Variants in RAP1GAP2 observed in about 807,000 individuals in gnomAD.
The protein encoded by RAP1GAP2 is RAP1 GTPase activating protein 2.
In RAP1GAP2, 27 loss-of-function variants were observed where a neutral mutation model predicts 95.0. That is an observed-to-expected ratio of 0.28 (90% CI 0.21 to 0.39). The LOEUF is 0.39. Among genes scored for constraint, RAP1GAP2 ranks in the 10% least tolerant of loss-of-function variants. The pLI, the probability that RAP1GAP2 is intolerant of heterozygous loss-of-function variation, is 1.00. For synonymous variants in RAP1GAP2, 373 were observed against 380.9 expected (o/e 0.98, Z 0.24); for missense variants, 771 against 970.0 (o/e 0.79, Z 2.72).
At chr17:2,756,845 G>A (rs57375728) in intron 1 of RAP1GAP2, among the ~76,000 whole-genome samples, 14,061 of 152,156 alleles carry the variant, frequency 0.092, 2,155 homozygotes, top group African/African-American at 0.32. Context: ...GAGGGTCAGA[G>A]AGGGAAAAGG....
intron 2 of RAP1GAP2, among the ~76,000 whole-genome samples, chr17:2,853,649 G>A (rs954072326): frequency 6.7e-6 from 1 of 148,906 alleles, no homozygotes; most frequent in Admixed American, 6.7e-5. Context: ...GGCCGAGGCC[G>A]GGGCGCGGGA....
chr17:2,989,006 CCG>C (rs1178852929), intron 11 of RAP1GAP2, among the ~76,000 whole-genome samples: 2 of 151,976 alleles, frequency 1.3e-5, no homozygotes, highest in African/African-American at 4.8e-5. Context: ...TTGCCGTGAG[CCG>C]AGATTGCACC....
chr17:2,991,235 C>G, intron 11 of RAP1GAP2, 62 bp from the exon 12 acceptor site: 1 of 1,333,608 alleles, frequency 7.5e-7, no homozygotes. Flanking sequence ...CATCCATATT[C>G]CTTCCTTTAG....
In RAP1GAP2 at chr17:2,826,446, C is replaced by T. The variant is rs115138558; in HGVS notation, c.80+25896C>T. On this transcript the variant is annotated intron_variant, in intron 2 of 24. Transcript: ENST00000254695. Reference sequence around the variant, plus strand: ...ACAGCCAGAGGCGAGGGTGGGGATCCGCTCGGGGAGGCTCTGAGTGTGTTG... The same window carrying T: ...ACAGCCAGAGGCGAGGGTGGGGATCTGCTCGGGGAGGCTCTGAGTGTGTTG... Among the ~76,000 whole-genome samples, 1,037 of 152,070 alleles carry T rather than the reference C, an allele frequency of 6.8e-3. 21 individuals are homozygous for T. The highest frequency in any genetic ancestry group is 0.023 in the African/African-American group (972 of 41,522).
chr17:3,032,006 A>G (rs2047327698), intron 23 of RAP1GAP2, among the ~76,000 whole-genome samples: 1 of 147,712 alleles, frequency 6.8e-6, no homozygotes, highest in African/African-American at 2.5e-5. Context: ...TCTCCAGACT[A>G]TCGAGAGCTC....
chr17:2,786,788 G>A (rs1027502741), intron 1 of RAP1GAP2, among the ~76,000 whole-genome samples: 2 of 151,948 alleles, frequency 1.3e-5, no homozygotes, highest in African/African-American at 4.8e-5. Context: ...TGGGATTACA[G>A]GCAGGTGCCA....
At chr17:2,962,962 G>A (rs1163065888) in intron 5 of RAP1GAP2, 2 of 529,162 alleles carry the variant, frequency 3.8e-6, no homozygotes, top group African/African-American at 4.0e-5. Flanking sequence ...GGGACCTCAG[G>A]CTTGGCCGTT....
intron 3 of RAP1GAP2, among the ~76,000 whole-genome samples, chr17:2,952,609 T>C (rs183495098): frequency 6.6e-5 from 10 of 152,320 alleles, no homozygotes; most frequent in African/African-American, 2.4e-4. Context: ...ACAGTGGCTG[T>C]ACTGTTTCTC....
intron 3 of RAP1GAP2, among the ~76,000 whole-genome samples, chr17:2,932,584 C>CAAAAA (rs71153311): frequency 1.9e-5 from 1 of 52,340 alleles, no homozygotes; most frequent in African/African-American, 7.5e-5. Context: ...GACTCCATCT[C>CAAAAA]AAAAAAAAAA....
intron 2 of RAP1GAP2, among the ~76,000 whole-genome samples, chr17:2,835,542 C>T (rs1460335792): frequency 3.9e-5 from 6 of 152,268 alleles, no homozygotes; most frequent in East Asian, 1.9e-4. Context: ...ACTCATTGTC[C>T]GTGGTTGTCA....
chr17:3,010,351 A>AG (rs2046485345), intron 17 of RAP1GAP2, among the ~76,000 whole-genome samples: 1 of 151,824 alleles, frequency 6.6e-6, no homozygotes, highest in East Asian at 1.9e-4. Flanking sequence ...AAAAAAAAAA[A>AG]AAAAAAAAAG....
intron 3 of RAP1GAP2, among the ~76,000 whole-genome samples, chr17:2,915,906 G>A (rs1234356030): frequency 6.6e-6 from 1 of 151,782 alleles, no homozygotes; most frequent in Non-Finnish European, 1.5e-5. Flanking sequence ...CACCACGTTG[G>A]CCAGGATGGT....
At chr17:2,919,221 C>G (rs1354013031) in intron 3 of RAP1GAP2, among the ~76,000 whole-genome samples, 1 of 152,160 alleles carries the variant, frequency 6.6e-6, no homozygotes, top group Non-Finnish European at 1.5e-5. Context: ...AAACCAGGAT[C>G]CAGCCCAGCA....
At chr17:3,026,294 G>A (rs2047114074) in intron 20 of RAP1GAP2, 56 bp from the exon 21 acceptor site, 3 of 1,453,938 alleles carry the variant, frequency 2.1e-6, no homozygotes, top group African/African-American at 1.4e-5. Flanking sequence ...GAGGACCCTG[G>A]GGGTGGAGGG....
intron 2 of RAP1GAP2, among the ~76,000 whole-genome samples, chr17:2,848,578 G>A (rs571024689): frequency 1.3e-5 from 2 of 151,170 alleles, no homozygotes; most frequent in Admixed American, 6.6e-5. Context: ...GCAGTGGCAC[G>A]ATCTCAGCTC....
chr17:2,761,968 C>G (rs186986987), intron 1 of RAP1GAP2, among the ~76,000 whole-genome samples: 84 of 142,656 alleles, frequency 5.9e-4, no homozygotes, highest in Non-Finnish European at 5.6e-4. Flanking sequence ...AGTTATTGTC[C>G]GTTTATATAT....
At chr17:2,897,473 C>T (rs946700141) in intron 2 of RAP1GAP2, among the ~76,000 whole-genome samples, 8 of 150,978 alleles carry the variant, frequency 5.3e-5, no homozygotes, top group Non-Finnish European at 7.4e-5. Flanking sequence ...TGCAGTGGCA[C>T]GATCTTGGCT....
intron 9 of RAP1GAP2, 126 bp downstream of exon 9, chr17:2,980,491 T>C: frequency 2.1e-6 from 2 of 941,236 alleles, no homozygotes; most frequent in South Asian, 1.4e-5. Context: ...CTTTACTCTT[T>C]GGCCATTGAC....
intron 2 of RAP1GAP2, among the ~76,000 whole-genome samples, chr17:2,839,375 C>A (rs957911167): frequency 3.3e-5 from 5 of 151,618 alleles, no homozygotes; most frequent in Admixed American, 3.3e-4. Flanking sequence ...ACAGAGAGTC[C>A]CCATAGGCTC....
Sources: gnomAD v4.1 joint callset for allele counts (sites outside exome capture counted in the v4.1 genomes callset) on GRCh38, gnomAD v4.1.1 for gene constraint, MANE v1.5 for transcripts, NCBI Gene and HGNC (gene_info 2026-07-23, HGNC 2026-07-21) for gene names.